The following RAP1B variants were observed in gnomAD, a reference collection of about 807,000 sequenced individuals.
The protein encoded by RAP1B is ras-related protein Rap-1b.
RAP1B carries 1 observed loss-of-function variant against 27.5 expected under a neutral mutation model. That is an observed-to-expected ratio of 0.04 (90% CI 0.01 to 0.17). The LOEUF is 0.17. Ranked by LOEUF, RAP1B falls within the 10% of genes least tolerant of loss-of-function variation. The pLI, the probability that RAP1B is intolerant of heterozygous loss-of-function variation, is 1.00. For missense variants in RAP1B, 84 were observed against 214.8 expected (o/e 0.39, Z 3.81); for synonymous variants, 75 against 73.1 (o/e 1.03, Z -0.13).
chr12:68,657,079 A>C, intron 6 of RAP1B, 22 bp from the exon 7 acceptor site: 1 of 1,599,174 alleles, frequency 6.3e-7, no homozygotes, highest in Non-Finnish European at 8.6e-7. Flanking sequence ...CTGTAAATTA[A>C]AACAAATTAT....
rs1470617102 is a variant in RAP1B at position 68,668,744 on chromosome 12, A to G, written c.*9495A>G. 1.3e-5 allele frequency: 2 copies of G among 152,224 alleles called. No individual in the cohort carries two copies. Among genetic ancestry groups the G allele is most frequent in the African/African-American group, 4.8e-5 (2 of 41,466 alleles). The allele number at this position is 152,224 out of a possible 1,614,324, so 9.4% of individuals were successfully genotyped here. A position where few individuals can be genotyped will look rare whatever the true frequency, so the allele number is the denominator to read the frequency against. On this transcript the variant is annotated 3_prime_UTR_variant, in exon 8 of 8. Coordinates refer to ENST00000250559, the MANE Select transcript of RAP1B (RefSeq NM_001010942.3). Reference sequence around the variant, plus strand: ...TAAAATGAGGAATGATGAAAGAATAAGAAAAACCAGCAAATGATAGCTTAC... The same window carrying G: ...TAAAATGAGGAATGATGAAAGAATAGGAAAAACCAGCAAATGATAGCTTAC...
At chr12:68,648,818 A>G in intron 2 of RAP1B, 37 bp downstream of exon 2, 1 of 1,554,030 alleles carries the variant, frequency 6.4e-7, no homozygotes, top group Non-Finnish European at 8.7e-7. Context: ...CTTTCACTCC[A>G]AGACGTTCTT....
At chr12:68,628,251 T>C (rs925056309) in intron 1 of RAP1B, among the ~76,000 whole-genome samples, 4 of 152,188 alleles carry the variant, frequency 2.6e-5, no homozygotes, top group African/African-American at 9.7e-5. Flanking sequence ...AGATTTCTCT[T>C]CTCCTCTTGG....
rs190533254 is a variant in RAP1B, at chr12:68,671,144, C to T, written c.*11895C>T. 6 of 151,638 alleles carry T rather than the reference C, an allele frequency of 4.0e-5. No individual in the cohort carries two copies. Among genetic ancestry groups the T allele is most frequent in the African/African-American group, 1.5e-4 (6 of 41,274 alleles). 9.4% of individuals were successfully genotyped at this position (151,638 alleles called of 1,614,324 possible). Reference sequence around the variant, plus strand: ...TGGCCCATCAACATAAAAAGATGCTCTAACTGTAGCCAGAGAAATACGAAT... The same window carrying T: ...TGGCCCATCAACATAAAAAGATGCTTTAACTGTAGCCAGAGAAATACGAAT... On this transcript the variant is annotated 3_prime_UTR_variant, in exon 8 of 8. Transcript: ENST00000250559.
chr12:68,622,449 C>T (rs1236386565), intron 1 of RAP1B, among the ~76,000 whole-genome samples: 2 of 152,194 alleles, frequency 1.3e-5, no homozygotes, highest in Non-Finnish European at 2.9e-5. Flanking sequence ...CCAGTTCTTG[C>T]TTACTTCACA....
intron 5 of RAP1B, among the ~76,000 whole-genome samples, chr12:68,654,990 G>C (rs1474467619): frequency 6.6e-6 from 1 of 152,090 alleles, no homozygotes; most frequent in East Asian, 1.9e-4. Context: ...AAGTTTCGAA[G>C]TGGTGTTGGT....
At chr12:68,612,382 T>A (rs1870668408) in intron 1 of RAP1B, among the ~76,000 whole-genome samples, 1 of 152,230 alleles carries the variant, frequency 6.6e-6, no homozygotes, top group South Asian at 2.1e-4. Flanking sequence ...AGCTGACTCT[T>A]GAAATAGTAT....
intron 1 of RAP1B, among the ~76,000 whole-genome samples, chr12:68,643,416 G>A (rs1873165506): frequency 6.6e-6 from 1 of 152,020 alleles, no homozygotes; most frequent in South Asian, 2.1e-4. Flanking sequence ...ATATAAGATA[G>A]GTATTTAAAA....
chr12:68,641,453 G>C (rs1872997232), intron 1 of RAP1B, among the ~76,000 whole-genome samples: 1 of 152,064 alleles, frequency 6.6e-6, no homozygotes, highest in Non-Finnish European at 1.5e-5. Flanking sequence ...TTTTTAAATT[G>C]ATAAAAAAGA....
At chr12:68,645,577 A>G (rs1348372683) in intron 1 of RAP1B, among the ~76,000 whole-genome samples, 1 of 152,238 alleles carries the variant, frequency 6.6e-6, no homozygotes, top group Non-Finnish European at 1.5e-5. Context: ...CGCTATACAA[A>G]TAACAGGTGC....
In RAP1B at chr12:68,648,699, G is replaced by A. The variant is rs1339422707; in HGVS notation, c.-26G>A. 4 of 1,602,788 alleles carry A rather than the reference G, an allele frequency of 2.5e-6. No homozygotes were observed. Among genetic ancestry groups the A allele is most frequent in the East Asian group, 4.5e-5 (2 of 44,764 alleles). On this transcript the variant is annotated splice_region_variant and 5_prime_UTR_variant, in exon 2 of 8. Transcript: ENST00000250559. The stretch of plus-strand genomic sequence containing the variant: ...CTTTTTTTTTTTTTCCTTTAATAAG[G>A]TACTAGGTTTTGACAAGCTTGCATC...
chr12:68,613,566 A>G (rs1050867281), intron 1 of RAP1B, among the ~76,000 whole-genome samples: 1 of 152,184 alleles, frequency 6.6e-6, no homozygotes, highest in Non-Finnish European at 1.5e-5. Context: ...CTCCAACCAC[A>G]AGATATATAT....
chr12:68,616,607 T>C (rs1871034904), intron 1 of RAP1B, among the ~76,000 whole-genome samples: 1 of 152,074 alleles, frequency 6.6e-6, no homozygotes, highest in African/African-American at 2.4e-5. Context: ...CTAAGTTTTG[T>C]ATTTTTAGTA....
chr12:68,657,871 TCACACA>T (rs138840887), intron 7 of RAP1B, among the ~76,000 whole-genome samples: 1 of 145,348 alleles, frequency 6.9e-6, no homozygotes, highest in Non-Finnish European at 1.5e-5. Context: ...CATGTGCCAG[TCACACA>T]CACACACACA....
At position 68,619,550 on chromosome 12, in the gene RAP1B, A is replaced by G. The variant is rs370193506; in HGVS notation, c.-27+8507A>G. Among the ~76,000 whole-genome samples, 65 of 152,334 alleles carry G rather than the reference A, an allele frequency of 4.3e-4. No homozygotes were observed. The South Asian group carries it at 0.013, about 31-fold the overall frequency. ...GTTTATCAATAAGGTATCCTGTTCC[A>G]TATTGCAACCAATTGCTGAGCTTTG... On this transcript the variant is annotated intron_variant, in intron 1 of 7. Coordinates refer to ENST00000250559, the MANE Select transcript of RAP1B (RefSeq NM_001010942.3).
Position 68,656,287 on chromosome 12 carries a change from C to G in RAP1B, c.325-19C>G, listed in dbSNP as rs758830180. The stretch of plus-strand genomic sequence containing the variant: ...GCATATTTACTTATTTATTTTTACT[C>G]TCACAAATGTATTTTTAGGTTCCAA... On this transcript the variant is annotated intron_variant, in intron 5 of 7. Coordinates refer to ENST00000250559, the MANE Select transcript of RAP1B (RefSeq NM_001010942.3). The G allele has an allele frequency of 2.5e-6, 4 of 1,579,508 alleles. No individual in the cohort carries two copies. The African/African-American group carries it at 5.4e-5, about 21-fold the overall frequency.
chr12:68,620,606 C>CTTT (rs71091541), intron 1 of RAP1B, among the ~76,000 whole-genome samples: 1 of 143,410 alleles, frequency 7.0e-6, no homozygotes, highest in Non-Finnish European at 1.5e-5. Flanking sequence ...TTTTCCTTTT[C>CTTT]TTTTTTTTTT....
rs1403318952 is a variant in RAP1B, at chr12:68,626,708, T to A, written c.-27+15665T>A. ...TAAAATGGTCCTAGTAGACAGCCCC[T>A]AATATTTCTGGTCTCGGGTAAAGGT... On this transcript the variant is annotated intron_variant, in intron 1 of 7. Coordinates refer to ENST00000250559, the MANE Select transcript of RAP1B (RefSeq NM_001010942.3). 2.0e-5 allele frequency among the ~76,000 whole-genome samples: 3 copies of A among 152,082 alleles called. No individual in the cohort carries two copies. In the East Asian group the frequency reaches 5.8e-4, roughly 29 times the overall value.
At chr12:68,623,824 C>T (rs1325112536) in intron 1 of RAP1B, among the ~76,000 whole-genome samples, 2 of 152,114 alleles carry the variant, frequency 1.3e-5, no homozygotes, top group Non-Finnish European at 2.9e-5. Flanking sequence ...AGATCGAGAC[C>T]ATCCTGGCTA....
Sources: allele counts gnomAD v4.1 joint callset (sites outside exome capture counted in the v4.1 genomes callset), GRCh38; gene constraint gnomAD v4.1.1; transcripts MANE v1.5; gene names NCBI Gene and HGNC (gene_info 2026-07-23, HGNC 2026-07-21).